Variants in NEURL1 observed in about 807,000 individuals in gnomAD.
NEURL1 encodes E3 ubiquitin-protein ligase NEURL1.
A neutral mutation model predicts 41.2 loss-of-function variants in NEURL1; 26 were observed. The ratio of observed to expected loss-of-function variants is 0.63; its 90% confidence interval spans 0.46 to 0.87. NEURL1 has a LOEUF of 0.87. Among genes scored for constraint, NEURL1 ranks in the 40% least tolerant of loss-of-function variants. The pLI, the probability that NEURL1 is intolerant of heterozygous loss-of-function variation, is 0.00. For missense variants in NEURL1, 761 were observed against 871.1 expected, an observed-to-expected ratio of 0.87 and a Z score of 1.59; for synonymous variants, 400 against 402.3, an observed-to-expected ratio of 0.99 and a Z score of 0.07.
chr10:103,589,995 C>A, intron 5 of NEURL1, 139 bp from the exon 6 acceptor site: 1 of 909,304 alleles, frequency 1.1e-6, no homozygotes, highest in Non-Finnish European at 1.7e-6. Flanking sequence ...CCCTTGTGCC[C>A]TGGAAGTTGG....
intron 1 of NEURL1, among the ~76,000 whole-genome samples, chr10:103,504,837 G>T (rs149706039): frequency 1.3e-5 from 2 of 152,134 alleles, no homozygotes; most frequent in African/African-American, 2.4e-5. Context: ...GAGCTATAAG[G>T]GGGGAACTTG....
intron 1 of NEURL1, chr10:103,494,723 G>C (rs2033642599): frequency 2.0e-6 from 1 of 510,668 alleles, no homozygotes. Flanking sequence ...TCAGGCCATG[G>C]TCTTAGGCGA....
chr10:103,512,321 GATGGAGCCACCTATGTGTAGCCATGAGGC>G (rs1432417999), intron 1 of NEURL1, among the ~76,000 whole-genome samples: 1 of 152,222 alleles, frequency 6.6e-6, no homozygotes, highest in Non-Finnish European at 1.5e-5. Flanking sequence ...TGATGGAGGA[GATGGAGCCACCTATGTGTAGCCATGAGGC>G]AAGGCTGACC....
intron 1 of NEURL1, among the ~76,000 whole-genome samples, chr10:103,502,591 T>C (rs2033849361): frequency 6.6e-6 from 1 of 152,198 alleles, no homozygotes; most frequent in African/African-American, 2.4e-5. Flanking sequence ...AATATAGTCA[T>C]ATTGGGCATT....
intron 1 of NEURL1, chr10:103,555,174 C>CG (rs1466737819): frequency 2.8e-6 from 1 of 355,522 alleles, no homozygotes; most frequent in Non-Finnish European, 3.8e-6. Flanking sequence ...CGCGTGTGGC[C>CG]GGCTGGCCGC....
At chr10:103,520,936 G>A (rs2034335236) in intron 1 of NEURL1, among the ~76,000 whole-genome samples, 1 of 152,118 alleles carries the variant, frequency 6.6e-6, no homozygotes, top group Non-Finnish European at 1.5e-5. Context: ...GAAGACACAA[G>A]GTCTGAATAA....
At chr10:103,555,411 A>G (rs2035128946) in intron 1 of NEURL1, 5 of 1,359,204 alleles carry the variant, frequency 3.7e-6, no homozygotes, top group Non-Finnish European at 4.9e-6. Flanking sequence ...AGCACTCTCC[A>G]CGGTAAGGCC....
chr10:103,515,898 C>T (rs1300037576), intron 1 of NEURL1, among the ~76,000 whole-genome samples: 2 of 152,022 alleles, frequency 1.3e-5, no homozygotes, highest in African/African-American at 4.8e-5. Context: ...CAGATGTGGT[C>T]CAAGAGAGGA....
At chr10:103,517,158 C>G (rs1189923634) in intron 1 of NEURL1, among the ~76,000 whole-genome samples, 1 of 152,158 alleles carries the variant, frequency 6.6e-6, no homozygotes, top group Non-Finnish European at 1.5e-5. Context: ...TCCTGAGTAG[C>G]TGGGACTACC....
At chr10:103,552,208 A>G (rs2035045565) in intron 1 of NEURL1, among the ~76,000 whole-genome samples, 1 of 152,096 alleles carries the variant, frequency 6.6e-6, no homozygotes, top group African/African-American at 2.4e-5. Context: ...ACCAGATAGG[A>G]CAGTGACTTT....
intron 1 of NEURL1, among the ~76,000 whole-genome samples, chr10:103,533,762 T>A (rs2034630023): frequency 6.6e-6 from 1 of 152,162 alleles, no homozygotes; most frequent in Admixed American, 6.5e-5. Flanking sequence ...GGTCTCGATC[T>A]GCTGACCTTC....
At chr10:103,499,627 G>A (rs2033773930) in intron 1 of NEURL1, among the ~76,000 whole-genome samples, 1 of 151,900 alleles carries the variant, frequency 6.6e-6, no homozygotes. Context: ...ACCACTCCTG[G>A]CTTATTTCTG....
intron 1 of NEURL1, among the ~76,000 whole-genome samples, chr10:103,562,743 G>C (rs1479162071): frequency 6.6e-6 from 1 of 152,146 alleles, no homozygotes; most frequent in Admixed American, 6.6e-5. Context: ...TAGTCTGGGG[G>C]TCAGAGAGAC....
intron 3 of NEURL1, among the ~76,000 whole-genome samples, chr10:103,583,637 C>T (rs1010433447): frequency 3.3e-5 from 4 of 119,846 alleles, no homozygotes; most frequent in South Asian, 3.0e-4. Context: ...GCCTGGGAGG[C>T]GGAGGTTGCT....
intron 1 of NEURL1, among the ~76,000 whole-genome samples, chr10:103,567,399 T>C (rs1246066598): frequency 3.9e-5 from 6 of 152,164 alleles, no homozygotes; most frequent in African/African-American, 1.4e-4. Context: ...GCCTTTTAAT[T>C]TTTTTGAGAC....
rs139848335 is a variant in NEURL1, at chr10:103,575,196, G to A, written c.649+3374G>A. ...CCGCCCCTCCCTCTCTCCATCACCTGCACCTTTACTGCACCTGTATCTTTC... is the reference window on the plus strand; with the variant it reads ...CCGCCCCTCCCTCTCTCCATCACCTACACCTTTACTGCACCTGTATCTTTC... On this transcript the variant is annotated intron_variant, in intron 3 of 5. Coordinates refer to ENST00000369780, the MANE Select transcript of NEURL1 (RefSeq NM_004210.5). 1.2e-3 allele frequency among the ~76,000 whole-genome samples: 173 copies of A among 150,034 alleles called. 1 individual carries two copies. The highest frequency in any genetic ancestry group is 4.0e-3 in the African/African-American group (164 of 40,666).
At chr10:103,498,860 C>T (rs2986049) in intron 1 of NEURL1, among the ~76,000 whole-genome samples, 6,518 of 152,274 alleles carry the variant, frequency 0.043, 468 homozygotes, top group African/African-American at 0.14. Flanking sequence ...CATGTTGTAG[C>T]GTGCACCTTT....
rs543401712 is a variant in NEURL1, at chr10:103,571,680, A to C, written c.507A>C (p.Ala169=). Residue 169 remains alanine, a synonymous_variant, in exon 3 of 6, where the codon GCA becomes GCC. Coordinates refer to ENST00000369780, the MANE Select transcript of NEURL1 (RefSeq NM_004210.5). The part of the protein sequence containing the change: ...EEFANEGNII[A]FWVDKKGRVF... The stretch of plus-strand genomic sequence containing the variant: ...TTGCCAATGAGGGCAACATCATCGC[A>C]TTCTGGGTGGACAAGAAGGGCCGTG... 6.2e-7 allele frequency: 1 copy of C among 1,614,152 alleles called. No homozygotes were observed.
chr10:103,512,320 A>G (rs146984758), intron 1 of NEURL1, among the ~76,000 whole-genome samples: 187 of 152,280 alleles, frequency 1.2e-3, no homozygotes, highest in African/African-American at 3.6e-3. Flanking sequence ...CTGATGGAGG[A>G]GATGGAGCCA....
Sources: allele counts gnomAD v4.1 joint callset (sites outside exome capture counted in the v4.1 genomes callset), GRCh38; gene constraint gnomAD v4.1.1; transcripts MANE v1.5; gene names NCBI Gene and HGNC (gene_info 2026-07-23, HGNC 2026-07-21).